Variants in IL16 observed in about 807,000 individuals in gnomAD.
IL16 encodes pro-interleukin-16.
IL16 carries 67 observed loss-of-function variants against 110.1 expected under a neutral mutation model. That is an observed-to-expected ratio of 0.61 (90% CI 0.50 to 0.75). The LOEUF is 0.75. Among genes scored for constraint, IL16 ranks in the 30% least tolerant of loss-of-function variants. The probability of loss-of-function intolerance (pLI) is 0.00; values close to 1 mark genes in which losing one functional copy is unlikely to be tolerated. For synonymous variants in IL16, 689 were observed against 662.9 expected (o/e 1.04, Z -0.61); for missense variants, 1,545 against 1,655.0 (o/e 0.93, Z 1.15).
chr15:81,302,652 CT>C (rs1900345967), intron 15 of IL16, among the ~76,000 whole-genome samples: 1 of 152,150 alleles, frequency 6.6e-6, no homozygotes, highest in African/African-American at 2.4e-5. Flanking sequence ...AAGTTTACTC[CT>C]TAGTGCCAAG....
At chr15:81,203,637 T>C (rs1438633812) in intron 1 of IL16, among the ~76,000 whole-genome samples, 2 of 152,094 alleles carry the variant, frequency 1.3e-5, no homozygotes, top group African/African-American at 4.8e-5. Context: ...GTTGTAGATA[T>C]GCGGCATTAT....
Position 81,303,289 on chromosome 15 carries a change from C to T in IL16, c.3319-260C>T, listed in dbSNP as rs999656722. ...CTGACTTCATGGCACTCCCCCTGCCCGGCTGTGGACAGGGTGAATGAGAGA... is the reference window on the plus strand; with the variant it reads ...CTGACTTCATGGCACTCCCCCTGCCTGGCTGTGGACAGGGTGAATGAGAGA... On this transcript the variant is annotated intron_variant, in intron 15 of 18. Coordinates refer to ENST00000683961, the MANE Select transcript of IL16 (RefSeq NM_172217.5). This position sits in a 1 kb window ranked among gnomAD's most constrained non-coding sequence, Gnocchi z 4.1. 10 of 401,114 alleles carry T rather than the reference C, an allele frequency of 2.5e-5. No individual in the cohort carries two copies. Among genetic ancestry groups the T allele is most frequent in the African/African-American group, 6.1e-5 (3 of 48,836 alleles). 24.8% of individuals were successfully genotyped at this position (401,114 alleles called of 1,614,324 possible).
intron 1 of IL16, among the ~76,000 whole-genome samples, chr15:81,204,812 G>A (rs968244031): frequency 9.9e-5 from 15 of 151,890 alleles, no homozygotes; most frequent in Admixed American, 3.9e-4. Context: ...ACCAAGTCCT[G>A]GAAGCTAGAG....
intron 5 of IL16, among the ~76,000 whole-genome samples, chr15:81,271,837 G>A (rs534059784): frequency 4.5e-4 from 69 of 152,184 alleles, no homozygotes; most frequent in African/African-American, 1.6e-3. Flanking sequence ...TCATCCCCAC[G>A]GCTCTCCCAC....
chr15:81,280,607 G>C (rs1899130340), intron 8 of IL16, among the ~76,000 whole-genome samples: 1 of 152,236 alleles, frequency 6.6e-6, no homozygotes, highest in African/African-American at 2.4e-5. Flanking sequence ...GTCAGGGATT[G>C]GGAGTAGTGG....
chr15:81,275,587 A>G (rs1898875298), intron 6 of IL16, among the ~76,000 whole-genome samples: 1 of 152,028 alleles, frequency 6.6e-6, no homozygotes. Flanking sequence ...AAAAGAGAAT[A>G]TTGTGTTTTG....
At chr15:81,232,055 T>TTTTTTTTTTTC (rs1897020030) in intron 2 of IL16, among the ~76,000 whole-genome samples, 1 of 141,528 alleles carries the variant, frequency 7.1e-6, no homozygotes, top group East Asian at 2.0e-4. Flanking sequence ...TTTTTTTTTT[T>TTTTTTTTTTTC]TTTTTTTTTT....
Position 81,259,772 on chromosome 15 carries a change from G to A in IL16, c.313G>A (p.Glu105Lys). 3 of 1,608,378 alleles carry A rather than the reference G, an allele frequency of 1.9e-6. No homozygotes were observed. The highest frequency in any genetic ancestry group is 1.7e-6 in the Non-Finnish European group (2 of 1,175,090). Residue 105 changes from glutamate to lysine, a missense_variant and splice_region_variant, in exon 3 of 19, where the codon GAA becomes AAA. Glu to Lys is a moderately conservative substitution (Grantham distance 56). This residue lies in a region of IL16 where 1,185 missense variants were observed against 1,238.8 expected (regional missense o/e 0.96). Transcript: ENST00000683961. ...TAAAAAGACGGCAATTGTTTTGCAG[G>A]AATCTTCCACAGCTTCCTCTCGAGA... The part of the protein sequence containing the change: ...KTCRRIFFMK[E>K]SSTASSREKP...
intron 13 of IL16, among the ~76,000 whole-genome samples, chr15:81,298,307 C>G (rs1327502432): frequency 6.6e-6 from 1 of 152,204 alleles, no homozygotes; most frequent in African/African-American, 2.4e-5. Flanking sequence ...CAGGAGGGAT[C>G]AGAGTTCCTT....
intron 14 of IL16, 146 bp downstream of exon 14, chr15:81,300,621 G>T: frequency 1.8e-6 from 1 of 569,524 alleles, no homozygotes; most frequent in East Asian, 3.0e-5. Flanking sequence ...TTCCATGTGT[G>T]TGCAGATGTC....
Position 81,309,146 on chromosome 15 carries a change from G to C in IL16, c.*348G>C. On this transcript the variant is annotated 3_prime_UTR_variant, in exon 19 of 19. Transcript: ENST00000683961. The stretch of plus-strand genomic sequence containing the variant: ...GTTTCAAGTACTGTAACTGTGTCAT[G>C]ATTCACCCCCAAACAGTGACATTTA... The C allele has an allele frequency of 4.6e-6, 1 of 219,434 alleles. No homozygotes were observed. Among genetic ancestry groups the C allele is most frequent in the Non-Finnish European group, 9.0e-6 (1 of 111,634 alleles). The allele number at this position is 219,434 out of a possible 1,614,324, so 13.6% of individuals were successfully genotyped here. A position where few individuals can be genotyped will look rare whatever the true frequency, so the allele number is the denominator to read the frequency against.
At chr15:81,263,106 C>CT (rs11380952) in intron 3 of IL16, among the ~76,000 whole-genome samples, 38,847 of 151,894 alleles carry the variant, frequency 0.26, 5,846 homozygotes, top group African/African-American at 0.42. Context: ...TTCTGATTTC[C>CT]TTAAGTTTTA....
intron 2 of IL16, among the ~76,000 whole-genome samples, chr15:81,253,354 T>G (rs936447586): frequency 5.3e-5 from 8 of 152,226 alleles, no homozygotes; most frequent in African/African-American, 1.7e-4. Flanking sequence ...AAGCATCCTT[T>G]GTATACTCTA....
chr15:81,201,348 C>T (rs576166644), intron 1 of IL16, among the ~76,000 whole-genome samples: 1 of 152,212 alleles, frequency 6.6e-6, no homozygotes, highest in Admixed American at 6.5e-5. Flanking sequence ...CCATCAAAAT[C>T]TGAAAAATTC....
chr15:81,279,451 A>G (rs1205945808), intron 7 of IL16, 107 bp from the exon 8 acceptor site: 5 of 707,428 alleles, frequency 7.1e-6, no homozygotes, highest in Non-Finnish European at 7.0e-6. Context: ...GCGCACATTT[A>G]TATTTCATAC....
At chr15:81,301,048 T>G (rs923923630) in intron 14 of IL16, among the ~76,000 whole-genome samples, 1 of 152,200 alleles carries the variant, frequency 6.6e-6, no homozygotes, top group African/African-American at 2.4e-5. Context: ...GATGAGACCT[T>G]CTATGCAGAA....
intron 5 of IL16, among the ~76,000 whole-genome samples, chr15:81,270,819 G>A (rs1316302290): frequency 6.6e-6 from 1 of 152,168 alleles, no homozygotes; most frequent in Non-Finnish European, 1.5e-5. Flanking sequence ...ATGAGGCCGG[G>A]GGGTGGAAGA....
At chr15:81,306,298 G>A (rs181106376) in intron 17 of IL16, 122 bp from the exon 18 acceptor site, 45 of 1,521,974 alleles carry the variant, frequency 3.0e-5, no homozygotes, top group African/African-American at 8.2e-5. Context: ...TGCCTGAGAC[G>A]TGTTTACATG....
In IL16 at chr15:81,278,938, A is replaced by G. The variant is rs1289232970; in HGVS notation, c.864+48A>G. ...TGACCAAACTCTGGGGCCTTCAGGC[A>G]AAGAAACCAAGCTCTCAGCATCCAA... On this transcript the variant is annotated intron_variant, in intron 7 of 18. Transcript: ENST00000683961. The G allele has an allele frequency of 2.4e-6, 3 of 1,263,944 alleles. No homozygotes were observed. The East Asian group carries it at 6.9e-5, about 29-fold the overall frequency. 78.3% of individuals were successfully genotyped at this position (1,263,944 alleles called of 1,614,324 possible).
Sources: gnomAD v4.1 joint callset for allele counts (sites outside exome capture counted in the v4.1 genomes callset) on GRCh38, gnomAD v4.1.1 for gene constraint, gnomAD v4.1.1 regional missense constraint, Gnocchi (gnomAD v3.1) non-coding constraint, MANE v1.5 for transcripts, NCBI Gene and HGNC (gene_info 2026-07-23, HGNC 2026-07-21) for gene names.